Variants in CDCA7L observed in about 807,000 individuals in gnomAD.
CDCA7L encodes cell division cycle associated 7 like.
A neutral mutation model predicts 57.4 loss-of-function variants in CDCA7L; 44 were observed. The ratio of observed to expected loss-of-function variants is 0.77; its 90% CI spans 0.60 to 0.98. CDCA7L has a LOEUF of 0.98. CDCA7L is among the 50% of genes least tolerant of loss of function. The probability of loss-of-function intolerance (pLI) is 0.00; values close to 1 mark genes in which losing one functional copy is unlikely to be tolerated. For missense variants in CDCA7L, 644 were observed against 580.6 expected, an observed-to-expected ratio of 1.11 and a Z score of -1.12; for synonymous variants, 236 against 202.8, an observed-to-expected ratio of 1.16 and a Z score of -1.39.
intron 1 of CDCA7L, 142 bp downstream of exon 1, chr7:21,945,639 G>A (rs1583886948): frequency 9.8e-7 from 1 of 1,020,362 alleles, no homozygotes. Flanking sequence ...CGCCCACTCC[G>A]GCACTCAACC....
chr7:21,916,976 A>C (rs1200891267), intron 1 of CDCA7L, 82 bp from the exon 2 acceptor site: 1 of 1,509,318 alleles, frequency 6.6e-7, no homozygotes, highest in Non-Finnish European at 9.1e-7. Context: ...GGGAGGAGAG[A>C]TCTCATCACT....
intron 1 of CDCA7L, among the ~76,000 whole-genome samples, chr7:21,935,914 C>G (rs555807457): frequency 6.6e-6 from 1 of 152,176 alleles, no homozygotes; most frequent in South Asian, 2.1e-4. Flanking sequence ...GAGGCTGAAA[C>G]AGAGAACTGC....
chr7:21,901,430 C>G lies in CDCA7L; in HGVS notation c.*892G>C. 1 of 901,962 alleles carries G rather than the reference C, an allele frequency of 1.1e-6. No homozygotes were observed. The allele number at this position is 901,962 out of a possible 1,614,324, so 55.9% of individuals were successfully genotyped here. On this transcript the variant is annotated 3_prime_UTR_variant, in exon 10 of 10. Coordinates refer to ENST00000406877, the MANE Select transcript of CDCA7L (RefSeq NM_018719.5). Reference sequence around the variant, plus strand: ...AAAAATACTAGAAACTAACTCAGGGCTGAGCGTGGTGGCACACGACTGTAA... The same window carrying G: ...AAAAATACTAGAAACTAACTCAGGGGTGAGCGTGGTGGCACACGACTGTAA...
chr7:21,900,966 C>G lies in CDCA7L; in HGVS notation c.*1356G>C. 1 of 1,523,452 alleles carries G rather than the reference C, an allele frequency of 6.6e-7. No individual in the cohort carries two copies. Among genetic ancestry groups the G allele is most frequent in the Non-Finnish European group, 8.8e-7 (1 of 1,137,122 alleles). 94.4% of individuals were successfully genotyped at this position (1,523,452 alleles called of 1,614,324 possible). ...CTTACTTGATCATTATCATTAGTAG[C>G]AAGCTGCCACACAATTGCAACCGCT... On this transcript the variant is annotated 3_prime_UTR_variant, in exon 10 of 10. Transcript: ENST00000406877.
Position 21,901,873 on chromosome 7 carries a change from A to C in CDCA7L, c.*449T>G. 5.5e-6 allele frequency: 1 copy of C among 180,668 alleles called. No homozygotes were observed. The highest frequency in any genetic ancestry group is 1.2e-5 in the Non-Finnish European group (1 of 84,246). 11.2% of individuals were successfully genotyped at this position (180,668 alleles called of 1,614,324 possible). On this transcript the variant is annotated 3_prime_UTR_variant, in exon 10 of 10. Transcript: ENST00000406877. ...TGTTCAGTGTAAATTTCCAATGACC[A>C]AGAGCAGGTTAAACGATGTGTGTGG...
At chr7:21,907,098 CATCA>C (rs780979506) in intron 4 of CDCA7L, among the ~76,000 whole-genome samples, 47 of 152,158 alleles carry the variant, frequency 3.1e-4, no homozygotes, top group Non-Finnish European at 5.3e-4. Flanking sequence ...ATTAATTTCT[CATCA>C]ATCAAAGTAA....
intron 1 of CDCA7L, among the ~76,000 whole-genome samples, chr7:21,939,238 G>A (rs1406191458): frequency 6.6e-6 from 1 of 152,142 alleles, no homozygotes; most frequent in Non-Finnish European, 1.5e-5. Flanking sequence ...GAGAGTTTCA[G>A]TTTAAAATGA....
intron 1 of CDCA7L, among the ~76,000 whole-genome samples, chr7:21,924,203 G>C (rs1049910142): frequency 2.0e-5 from 3 of 150,390 alleles, no homozygotes; most frequent in Non-Finnish European, 4.4e-5. Flanking sequence ...ATCAGTATTA[G>C]TTTTTGAAGA....
At chr7:21,910,462 C>CA (rs1339839969) in intron 3 of CDCA7L, among the ~76,000 whole-genome samples, 2 of 152,310 alleles carry the variant, frequency 1.3e-5, no homozygotes, top group Non-Finnish European at 2.9e-5. Flanking sequence ...AAGTGAGGGA[C>CA]ATGGCAGGCT....
Position 21,901,614 on chromosome 7 carries a change from C to CAAAAGCAATG in CDCA7L, c.*698_*707dup, listed in dbSNP as rs1283390045. 1 of 163,582 alleles carries CAAAAGCAATG rather than the reference C, an allele frequency of 6.1e-6. No individual in the cohort carries two copies. The highest frequency in any genetic ancestry group is 2.4e-5 in the African/African-American group (1 of 41,638). The allele number at this position is 163,582 out of a possible 1,614,324, so 10.1% of individuals were successfully genotyped here. ...TAAAAGTACATCATATGTGAACATG[C>CAAAAGCAATG]AAAAGCAATGCAGCCGGAAAGAACG... On this transcript the variant is annotated 3_prime_UTR_variant, in exon 10 of 10. Transcript: ENST00000406877.
chr7:21,915,255 G>A (rs113822618), intron 2 of CDCA7L, among the ~76,000 whole-genome samples: 1 of 152,088 alleles, frequency 6.6e-6, no homozygotes, highest in Non-Finnish European at 1.5e-5. Context: ...TCAAGATGGG[G>A]AAAGGGGGAA....
intron 8 of CDCA7L, 51 bp downstream of exon 8, chr7:21,904,059 C>T (rs773108585): frequency 6.7e-7 from 1 of 1,497,458 alleles, no homozygotes. Context: ...ATCTTTATAG[C>T]TTGCTTCCTT....
intron 2 of CDCA7L, among the ~76,000 whole-genome samples, chr7:21,914,091 G>C (rs1217650459): frequency 6.6e-6 from 1 of 152,196 alleles, no homozygotes; most frequent in African/African-American, 2.4e-5. Flanking sequence ...CATCAGAGGA[G>C]AAGCTAACAT....
chr7:21,931,462 G>A (rs1328549805), intron 1 of CDCA7L, among the ~76,000 whole-genome samples: 1 of 152,200 alleles, frequency 6.6e-6, no homozygotes, highest in African/African-American at 2.4e-5. Flanking sequence ...GGGATGCAAG[G>A]CTGGTTCAAT....
At chr7:21,925,822 G>A (rs557098507) in intron 1 of CDCA7L, among the ~76,000 whole-genome samples, 1 of 152,238 alleles carries the variant, frequency 6.6e-6, no homozygotes, top group South Asian at 2.1e-4. Context: ...AGGAGTTCAA[G>A]GCTGCTATTA....
rs755459234 is a variant in CDCA7L, at chr7:21,908,516, A to G, written c.304-9T>C. The G allele has an allele frequency of 7.9e-5, 119 of 1,505,238 alleles. 1 individual carries two copies. In the South Asian group the frequency reaches 1.2e-3, roughly 15 times the overall value. 93.2% of individuals were successfully genotyped at this position (1,505,238 alleles called of 1,614,324 possible). A position where few individuals can be genotyped will look rare whatever the true frequency, so the allele number is the denominator to read the frequency against. On this transcript the variant is annotated splice_polypyrimidine_tract_variant and intron_variant, in intron 3 of 9. Transcript: ENST00000406877. Reference sequence around the variant, plus strand: ...AAATCTGACTCCACGACCTAATAAAATAAGAGCAAGAAAAAGCACAAAGAC... The same window carrying G: ...AAATCTGACTCCACGACCTAATAAAGTAAGAGCAAGAAAAAGCACAAAGAC...
intron 7 of CDCA7L, among the ~76,000 whole-genome samples, chr7:21,905,277 T>C (rs903893400): frequency 8.6e-5 from 13 of 152,008 alleles, no homozygotes; most frequent in African/African-American, 3.1e-4. Flanking sequence ...ACCGTTCCCT[T>C]CCCCCAGATT....
At chr7:21,905,476 A>C in intron 7 of CDCA7L, 30 bp downstream of exon 7, 3 of 1,609,850 alleles carry the variant, frequency 1.9e-6, no homozygotes, top group Non-Finnish European at 2.5e-6. Flanking sequence ...TTCGACTCCC[A>C]ATAAGAATGA....
At chr7:21,935,058 A>T (rs1314356601) in intron 1 of CDCA7L, among the ~76,000 whole-genome samples, 1 of 152,164 alleles carries the variant, frequency 6.6e-6, no homozygotes, top group African/African-American at 2.4e-5. Flanking sequence ...AAACCAACTA[A>T]AACTAATAGC....
Sources: gnomAD v4.1 joint callset for allele counts (sites outside exome capture counted in the v4.1 genomes callset) on GRCh38, gnomAD v4.1.1 for gene constraint, MANE v1.5 for transcripts, NCBI Gene and HGNC (gene_info 2026-07-23, HGNC 2026-07-21) for gene names.